STK39: variants seen among roughly 807,000 people sequenced by gnomAD.
STK39 encodes serine/threonine kinase 39.
In STK39, 20 loss-of-function variants were observed where a neutral mutation model predicts 77.8. The observed-to-expected ratio is 0.26, with a 90% CI of 0.18 to 0.37. The LOEUF (loss-of-function observed/expected upper bound fraction) is 0.37. Ranked by LOEUF, STK39 falls within the 10% of genes least tolerant of loss-of-function variation. The probability of loss-of-function intolerance (pLI) is 1.00; values close to 1 mark genes in which losing one functional copy is unlikely to be tolerated. For missense variants in STK39, 479 were observed against 656.5 expected (o/e 0.73, Z 2.95); for synonymous variants, 246 against 234.1 (o/e 1.05, Z -0.47).
intron 1 of STK39, among the ~76,000 whole-genome samples, chr2:168,218,440 C>T (rs1461659933): frequency 6.6e-6 from 1 of 152,188 alleles, no homozygotes; most frequent in Non-Finnish European, 1.5e-5. Context: ...TAGGGCACAG[C>T]ACCATGCATA....
At chr2:168,049,334 C>T (rs1685334378) in intron 14 of STK39, among the ~76,000 whole-genome samples, 1 of 152,166 alleles carries the variant, frequency 6.6e-6, no homozygotes, top group African/African-American at 2.4e-5. Flanking sequence ...TACCAGGTTG[C>T]CTCCTGTCAC....
chr2:168,100,469 A>G (rs1686793110), intron 10 of STK39, among the ~76,000 whole-genome samples: 1 of 152,012 alleles, frequency 6.6e-6, no homozygotes. Context: ...GGGCTATGTT[A>G]CCCAGGCTGG....
At chr2:168,115,793 T>G (rs1687243127) in intron 10 of STK39, among the ~76,000 whole-genome samples, 1 of 152,088 alleles carries the variant, frequency 6.6e-6, no homozygotes, top group African/African-American at 2.4e-5. Context: ...AGCTGACACT[T>G]CCAGGGGGAA....
At chr2:168,068,487 G>A (rs1263450680) in intron 12 of STK39, among the ~76,000 whole-genome samples, 1 of 152,160 alleles carries the variant, frequency 6.6e-6, no homozygotes, top group Non-Finnish European at 1.5e-5. Context: ...AAATTCTGGG[G>A]CTTAGTTGAC....
intron 1 of STK39, among the ~76,000 whole-genome samples, chr2:168,238,708 A>C (rs1245676259): frequency 6.6e-6 from 1 of 152,264 alleles, no homozygotes; most frequent in South Asian, 2.1e-4. Context: ...CTAGAAATAA[A>C]GTATGCCAAT....
intron 10 of STK39, among the ~76,000 whole-genome samples, chr2:168,116,768 C>T (rs148903671): frequency 0.011 from 1,629 of 152,270 alleles, 15 homozygotes; most frequent in Middle Eastern, 0.045. Context: ...CATAAAAGTG[C>T]CATTACTTTC....
chr2:168,146,368 C>G (rs188291586), intron 5 of STK39, among the ~76,000 whole-genome samples: 136 of 152,276 alleles, frequency 8.9e-4, no homozygotes, highest in Admixed American at 2.0e-3. Flanking sequence ...TGAAAAGGAA[C>G]CTGAGTTGTG....
At chr2:168,201,976 TTC>T (rs1421679655) in intron 1 of STK39, among the ~76,000 whole-genome samples, 1 of 152,232 alleles carries the variant, frequency 6.6e-6, no homozygotes, top group Non-Finnish European at 1.5e-5. Flanking sequence ...TGAAAGATTA[TTC>T]TCTGTCAGTG....
At chr2:168,060,743 T>A (rs1685643371) in intron 14 of STK39, among the ~76,000 whole-genome samples, 1 of 152,244 alleles carries the variant, frequency 6.6e-6, no homozygotes, top group African/African-American at 2.4e-5. Context: ...TAGATCCCTT[T>A]ATGATATCCT....
At chr2:167,969,482 G>A (rs1692263131) in intron 16 of STK39, among the ~76,000 whole-genome samples, 1 of 152,086 alleles carries the variant, frequency 6.6e-6, no homozygotes, top group South Asian at 2.1e-4. Context: ...ATCCTCCCAG[G>A]AAAGGTTCCA....
At chr2:168,143,877 T>C (rs1264362252) in intron 5 of STK39, among the ~76,000 whole-genome samples, 1 of 152,206 alleles carries the variant, frequency 6.6e-6, no homozygotes, top group Admixed American at 6.5e-5. Context: ...CTCCTTGGCC[T>C]CACCAGCATT....
chr2:168,074,936 G>C, intron 12 of STK39, 46 bp downstream of exon 12: 1 of 1,602,096 alleles, frequency 6.2e-7, no homozygotes, highest in African/African-American at 1.3e-5. Flanking sequence ...GATACCACAA[G>C]AAAGGAATGA....
At chr2:168,160,350 C>T (rs1688537079) in intron 5 of STK39, among the ~76,000 whole-genome samples, 1 of 152,180 alleles carries the variant, frequency 6.6e-6, no homozygotes. Context: ...AAGTCATAAA[C>T]TCTCCTCAGA....
intron 10 of STK39, among the ~76,000 whole-genome samples, chr2:168,107,493 C>G (rs79532398): frequency 0.05 from 7,622 of 152,242 alleles, 300 homozygotes; most frequent in Admixed American, 0.1. Context: ...TGTTTGCCAT[C>G]CTCTGTAAAG....
intron 16 of STK39, among the ~76,000 whole-genome samples, chr2:167,992,985 T>C (rs532438815): frequency 6.6e-6 from 1 of 152,206 alleles, no homozygotes; most frequent in Non-Finnish European, 1.5e-5. Flanking sequence ...CAAACTTTGG[T>C]TTCTTCTCTG....
In STK39 at chr2:168,077,535, G is replaced by C. The variant is rs557656746; in HGVS notation, c.1090-2304C>G. On this transcript the variant is annotated intron_variant, in intron 10 of 17. Transcript: ENST00000355999. The stretch of plus-strand genomic sequence containing the variant: ...ATGGGCCTTTAAGCAATAAACATTG[G>C]TTAAACAAATAAATATACAAATGTT... 2.0e-5 allele frequency among the ~76,000 whole-genome samples: 3 copies of C among 152,246 alleles called. No individual in the cohort carries two copies. The South Asian group carries it at 6.2e-4, about 32-fold the overall frequency.
intron 5 of STK39, among the ~76,000 whole-genome samples, chr2:168,159,984 G>A (rs899952544): frequency 6.6e-6 from 1 of 152,166 alleles, no homozygotes; most frequent in African/African-American, 2.4e-5. Flanking sequence ...CGGCAGTGAG[G>A]AAAAACCCAA....
At chr2:168,050,608 T>C (rs372723271) in intron 14 of STK39, among the ~76,000 whole-genome samples, 11 of 152,130 alleles carry the variant, frequency 7.2e-5, no homozygotes, top group African/African-American at 1.9e-4. Flanking sequence ...GCTTTGCAGA[T>C]GGCAGAAGGA....
At chr2:168,144,708 T>C (rs1213717748) in intron 5 of STK39, among the ~76,000 whole-genome samples, 5 of 152,144 alleles carry the variant, frequency 3.3e-5, no homozygotes, top group Admixed American at 2.0e-4. Flanking sequence ...AGCTACTCAC[T>C]GCCTTTTCAT....
Sources: allele counts gnomAD v4.1 joint callset (sites outside exome capture counted in the v4.1 genomes callset), GRCh38; gene constraint gnomAD v4.1.1; transcripts MANE v1.5; gene names NCBI Gene and HGNC (gene_info 2026-07-23, HGNC 2026-07-21).